The following WNT2 variants were observed in gnomAD, a reference collection of about 807,000 sequenced individuals.
WNT2 encodes protein Wnt-2.
A neutral mutation model predicts 36.9 loss-of-function variants in WNT2; 12 were observed. The ratio of observed to expected loss-of-function variants is 0.33; its 90% CI spans 0.21 to 0.53. The LOEUF is 0.53. Among genes scored for constraint, WNT2 ranks in the 20% least tolerant of loss-of-function variants. The pLI is 0.95. For synonymous variants in WNT2, 163 were observed against 174.6 expected (o/e 0.93, Z 0.52); for missense variants, 379 against 473.1 (o/e 0.80, Z 1.84).
chr7:117,287,044 G>A (rs557122513), intron 4 of WNT2, among the ~76,000 whole-genome samples: 1 of 152,278 alleles, frequency 6.6e-6, no homozygotes, highest in East Asian at 1.9e-4. Flanking sequence ...CATGTAGACT[G>A]TTTCCTCATA....
chr7:117,276,246 A>G lies in WNT2; in HGVS notation c.*1909T>C, dbSNP rs1054540634. On this transcript the variant is annotated 3_prime_UTR_variant, in exon 5 of 5. Coordinates refer to ENST00000265441, the MANE Select transcript of WNT2 (RefSeq NM_003391.3). ...GCCTGGATTGATGATTTCACAGTTC[A>G]TCCAGCAGGAGGAAGGGCTGATGGC... is the stretch of plus-strand genomic sequence containing the variant. Among the ~76,000 whole-genome samples, 2 of 152,240 alleles carry G rather than the reference A, an allele frequency of 1.3e-5. No homozygotes were observed. Among genetic ancestry groups the G allele is most frequent in the Non-Finnish European group, 2.9e-5 (2 of 68,040 alleles).
chr7:117,288,047 C>T (rs1216003050), intron 4 of WNT2, among the ~76,000 whole-genome samples: 4 of 152,124 alleles, frequency 2.6e-5, no homozygotes, highest in Non-Finnish European at 5.9e-5. Context: ...GGGCACATTT[C>T]TCCAGGGACT....
intron 3 of WNT2, among the ~76,000 whole-genome samples, chr7:117,298,993 C>G (rs1177772138): frequency 1.3e-5 from 2 of 152,190 alleles, no homozygotes; most frequent in African/African-American, 2.4e-5. Flanking sequence ...GGGGTACCCA[C>G]TACATTTGAA....
chr7:117,283,032 C>T (rs959753820), intron 4 of WNT2, among the ~76,000 whole-genome samples: 1 of 152,108 alleles, frequency 6.6e-6, no homozygotes, highest in African/African-American at 2.4e-5. Flanking sequence ...GCTGTTAATT[C>T]CCTGACATGG....
chr7:117,286,321 A>G (rs552930590), intron 4 of WNT2, among the ~76,000 whole-genome samples: 1 of 152,278 alleles, frequency 6.6e-6, no homozygotes, highest in Admixed American at 6.5e-5. Context: ...CTGACAGCAG[A>G]GGAGGAACAG....
At chr7:117,294,585 C>A in intron 4 of WNT2, among the ~76,000 whole-genome samples, 1 of 115,044 alleles carries the variant, frequency 8.7e-6, no homozygotes, top group Admixed American at 1.0e-4. Context: ...TATATTGGAA[C>A]TGGCAACTAA....
chr7:117,312,729 T>G (rs10245232), intron 3 of WNT2, among the ~76,000 whole-genome samples: 3,479 of 152,270 alleles, frequency 0.023, 123 homozygotes, highest in African/African-American at 0.08. Context: ...GCTGAAACTA[T>G]GATTAAATGA....
At chr7:117,316,894 T>C (rs1795230510) in intron 2 of WNT2, among the ~76,000 whole-genome samples, 1 of 152,228 alleles carries the variant, frequency 6.6e-6, no homozygotes, top group Non-Finnish European at 1.5e-5. Flanking sequence ...CTAAGTGGAA[T>C]TGAGATGTTT....
chr7:117,317,145 GAGAA>G, intron 2 of WNT2, among the ~76,000 whole-genome samples: 1 of 152,254 alleles, frequency 6.6e-6, no homozygotes, highest in African/African-American at 2.4e-5. Context: ...ATTTTTTAAG[GAGAA>G]AGAAGAGACA....
At chr7:117,317,148 A>G (rs906074128) in intron 2 of WNT2, among the ~76,000 whole-genome samples, 4 of 152,152 alleles carry the variant, frequency 2.6e-5, no homozygotes, top group African/African-American at 9.7e-5. Context: ...TTTTAAGGAG[A>G]AAGAAGAGAC....
chr7:117,295,445 A>G (rs1584683124), intron 4 of WNT2, among the ~76,000 whole-genome samples: 2 of 152,214 alleles, frequency 1.3e-5, no homozygotes, highest in African/African-American at 4.8e-5. Context: ...TAACTTAGTA[A>G]CTTGAAGAGG....
intron 4 of WNT2, among the ~76,000 whole-genome samples, chr7:117,279,364 G>A (rs1489023742): frequency 6.6e-6 from 1 of 152,158 alleles, no homozygotes; most frequent in African/African-American, 2.4e-5. Flanking sequence ...GCACCTGGCA[G>A]CCATGTTGTA....
chr7:117,301,217 T>G lies in WNT2; in HGVS notation c.589-3341A>C, dbSNP rs1420766970. On this transcript the variant is annotated intron_variant, in intron 3 of 4. Coordinates refer to ENST00000265441, the MANE Select transcript of WNT2 (RefSeq NM_003391.3). ...GCTTGCTCACGTCTCCAGCACCCAC[T>G]GTTAACGCACAGCATGTTCAGTGCT... Among the ~76,000 whole-genome samples, 6 of 152,182 alleles carry G rather than the reference T, an allele frequency of 3.9e-5. No homozygotes were observed. The East Asian group carries it at 9.6e-4, about 24-fold the overall frequency.
Position 117,278,131 on chromosome 7 carries a change from G to T in WNT2, c.*24C>A. On this transcript the variant is annotated 3_prime_UTR_variant, in exon 5 of 5. Coordinates refer to ENST00000265441, the MANE Select transcript of WNT2 (RefSeq NM_003391.3). ...CCAATGGAGTCCTTGTAGAAGGGAA[G>T]GTGGATGGTGACGCCTGCTGGGGTC... 9 of 1,612,214 alleles carry T rather than the reference G, an allele frequency of 5.6e-6. No individual in the cohort carries two copies. The highest frequency in any genetic ancestry group is 1.3e-5 in the African/African-American group (1 of 75,042).
At chr7:117,305,735 C>T (rs1795002971) in intron 3 of WNT2, among the ~76,000 whole-genome samples, 1 of 152,122 alleles carries the variant, frequency 6.6e-6, no homozygotes, top group Non-Finnish European at 1.5e-5. Flanking sequence ...TTCATAGGCA[C>T]CATAATAGGG....
At position 117,278,294 on chromosome 7, in the gene WNT2, G is replaced by GTGTC. The variant is rs1794418447; in HGVS notation, c.940_943dup (p.Thr315ArgfsTer14). 1 of 1,614,126 alleles carries GTGTC rather than the reference G, an allele frequency of 6.2e-7. No individual in the cohort carries two copies. The highest frequency in any genetic ancestry group is 1.3e-5 in the African/African-American group (1 of 74,946). On this transcript the variant is annotated frameshift_variant, in exon 5 of 5. Transcript: ENST00000265441. LOFTEE classifies it high-confidence loss of function. Reference sequence around the variant, plus strand: ...CTTGGTCATCCGGGTGACATGGGAGGTGTCGTAGCCTCTCCCACAGCACAT... The same window carrying GTGTC: ...CTTGGTCATCCGGGTGACATGGGAGGTGTCTGTCGTAGCCTCTCCCACAGCACAT...
intron 3 of WNT2, among the ~76,000 whole-genome samples, chr7:117,302,926 G>A (rs897436760): frequency 2.0e-5 from 3 of 152,134 alleles, no homozygotes; most frequent in African/African-American, 7.2e-5. Flanking sequence ...TTGAAAGAGA[G>A]GGGAAACAAA....
At chr7:117,299,595 C>T (rs543417853) in intron 3 of WNT2, among the ~76,000 whole-genome samples, 10 of 151,316 alleles carry the variant, frequency 6.6e-5, no homozygotes, top group East Asian at 3.9e-4. Flanking sequence ...TGGGCTCAAG[C>T]GATCCTCCTG....
chr7:117,315,493 T>C (rs1468145657), intron 2 of WNT2, 145 bp from the exon 3 acceptor site: 3 of 869,864 alleles, frequency 3.4e-6, no homozygotes, highest in Non-Finnish European at 5.1e-6. Context: ...AGGGTTCTTT[T>C]CTAGAGCCCA....
Sources: gnomAD v4.1 joint callset for allele counts (sites outside exome capture counted in the v4.1 genomes callset) on GRCh38, gnomAD v4.1.1 for gene constraint, MANE v1.5 for transcripts, NCBI Gene and HGNC (gene_info 2026-07-23, HGNC 2026-07-21) for gene names.